The following LSAMP variants were observed in gnomAD, a reference collection of about 807,000 sequenced individuals.
LSAMP encodes limbic system associated membrane protein.
Under a neutral mutation model 38.6 loss-of-function variants are expected in LSAMP, and 7 were observed. That is an observed-to-expected ratio of 0.18 (90% CI 0.10 to 0.34). The LOEUF (loss-of-function observed/expected upper bound fraction) is 0.34. Among genes scored for constraint, LSAMP ranks in the 10% least tolerant of loss-of-function variants. LSAMP has a pLI of 1.00. For missense variants in LSAMP, 313 were observed against 420.0 expected (o/e 0.75, Z 2.23); for synonymous variants, 154 against 166.8 (o/e 0.92, Z 0.59).
intron 2 of LSAMP, among the ~76,000 whole-genome samples, chr3:116,045,584 C>T (rs1399665623): frequency 1.4e-5 from 2 of 144,720 alleles, no homozygotes; most frequent in Non-Finnish European, 3.0e-5. Flanking sequence ...CTGATTAGGT[C>T]AGAGTTTTTC....
At position 116,367,843 on chromosome 3, in the gene LSAMP, C is replaced by T. The variant is rs562265531; in HGVS notation, c.155+77034G>A. 20 of 151,458 alleles carry T rather than the reference C, an allele frequency of 1.3e-4. 1 individual carries two copies. The highest frequency in any genetic ancestry group is 1.0e-3 in the South Asian group (5 of 4,790). 9.4% of individuals were successfully genotyped at this position (151,458 alleles called of 1,614,324 possible). Reference sequence around the variant, plus strand: ...TCCTTTTTTTAAAAAAACAAACAAACGAACAAAAAAAAAACTTTACAAGAA... The same window carrying T: ...TCCTTTTTTTAAAAAAACAAACAAATGAACAAAAAAAAAACTTTACAAGAA... On this transcript the variant is annotated intron_variant, in intron 1 of 6. Transcript: ENST00000490035.
intron 1 of LSAMP, among the ~76,000 whole-genome samples, chr3:116,158,869 A>C (rs575267498): frequency 3.2e-4 from 49 of 152,290 alleles, no homozygotes; most frequent in African/African-American, 1.0e-3. Context: ...CACGAGAACC[A>C]AAAAGGAGCC....
At position 115,826,219 on chromosome 3, in the gene LSAMP, A is replaced by T. The variant is rs112563020; in HGVS notation, c.919+15626T>A. Among the ~76,000 whole-genome samples the T allele has an allele frequency of 2.6e-3, 388 of 152,132 alleles. 2 individuals carry two copies. Among genetic ancestry groups the T allele is most frequent in the African/African-American group, 9.0e-3 (374 of 41,494 alleles). On this transcript the variant is annotated intron_variant, in intron 6 of 6. Transcript: ENST00000490035. Reference sequence around the variant, plus strand: ...AAGCTCTGCCTCCTGGGTTCACATCATTCTCTTGCCTCAGCCTCCTGAGTA... The same window carrying T: ...AAGCTCTGCCTCCTGGGTTCACATCTTTCTCTTGCCTCAGCCTCCTGAGTA...
rs527789365 is a variant in LSAMP at position 116,340,635 on chromosome 3, G to A, written c.155+104242C>T. ...ACATGCATATAATAGTAGTATTTAT[G>A]TTAGAAAAAAACTACATATTTTGTT... On this transcript the variant is annotated intron_variant, in intron 1 of 6. Transcript: ENST00000490035. Among the ~76,000 whole-genome samples, 32 of 151,940 alleles carry A rather than the reference G, an allele frequency of 2.1e-4. No homozygotes were observed. In the East Asian group the frequency reaches 4.8e-3, roughly 23 times the overall value.
chr3:115,859,909 G>T (rs1046735574), intron 3 of LSAMP, among the ~76,000 whole-genome samples: 15 of 152,106 alleles, frequency 9.9e-5, no homozygotes. Flanking sequence ...CCTACTTGGT[G>T]TCAGTTTTTA....
chr3:116,206,778 A>G (rs1300343092), intron 1 of LSAMP, among the ~76,000 whole-genome samples: 2 of 151,448 alleles, frequency 1.3e-5, no homozygotes, highest in Non-Finnish European at 1.5e-5. Context: ...ATAGTTTGTT[A>G]TAATCTCTGT....
At chr3:115,817,340 C>T (rs1205526852) in intron 6 of LSAMP, among the ~76,000 whole-genome samples, 1 of 152,126 alleles carries the variant, frequency 6.6e-6, no homozygotes, top group East Asian at 1.9e-4. Flanking sequence ...ATAGTTTCGT[C>T]CTCTTCATTA....
intron 6 of LSAMP, among the ~76,000 whole-genome samples, chr3:115,830,596 C>T (rs1934576199): frequency 1.3e-5 from 2 of 152,016 alleles, no homozygotes; most frequent in Non-Finnish European, 2.9e-5. Context: ...CATGAGAAGG[C>T]CGTTATGTAT....
chr3:116,056,561 C>T (rs1431795276), intron 2 of LSAMP, among the ~76,000 whole-genome samples: 1 of 152,076 alleles, frequency 6.6e-6, no homozygotes, highest in Non-Finnish European at 1.5e-5. Context: ...GTCAGAAACA[C>T]ATTCTGGGAA....
intron 3 of LSAMP, among the ~76,000 whole-genome samples, chr3:115,897,980 G>A (rs1936771221): frequency 1.3e-5 from 2 of 152,076 alleles, no homozygotes; most frequent in African/African-American, 4.8e-5. Context: ...AGCTTTCCAC[G>A]CTGAATTCAA....
chr3:116,126,006 A>T (rs1207200331), intron 1 of LSAMP, among the ~76,000 whole-genome samples: 4 of 152,230 alleles, frequency 2.6e-5, no homozygotes, highest in Non-Finnish European at 4.4e-5. Flanking sequence ...AGCATTTTAT[A>T]TCCATTTGCA....
chr3:116,014,346 A>G (rs1367023165), intron 3 of LSAMP, among the ~76,000 whole-genome samples: 2 of 152,184 alleles, frequency 1.3e-5, no homozygotes, highest in East Asian at 3.8e-4. Flanking sequence ...AAATTGTGAG[A>G]TGGAGGTCAA....
At chr3:115,870,279 G>A (rs1004860364) in intron 3 of LSAMP, among the ~76,000 whole-genome samples, 2 of 152,048 alleles carry the variant, frequency 1.3e-5, no homozygotes, top group Admixed American at 1.3e-4. Flanking sequence ...GCTCTAACAT[G>A]CAAGTCTGAA....
chr3:115,982,297 A>G (rs897991684), intron 3 of LSAMP, among the ~76,000 whole-genome samples: 2 of 152,162 alleles, frequency 1.3e-5, no homozygotes, highest in Non-Finnish European at 2.9e-5. Flanking sequence ...TGATTGCAAG[A>G]AATGTAGATG....
At chr3:116,042,358 C>T (rs1941192423) in intron 2 of LSAMP, among the ~76,000 whole-genome samples, 3 of 151,680 alleles carry the variant, frequency 2.0e-5, no homozygotes, top group Non-Finnish European at 2.9e-5. Flanking sequence ...GGTTAGAATC[C>T]TACATCTGTT....
In LSAMP at chr3:116,001,380, C is replaced by T. The variant is rs184871326; in HGVS notation, c.514+18135G>A. On this transcript the variant is annotated intron_variant, in intron 3 of 6. Coordinates refer to ENST00000490035, the MANE Select transcript of LSAMP (RefSeq NM_002338.5). ...AGGAATTCTGTACAGGCATATATTC[C>T]GTATCTTTTATTTCCTTCCAGAAAA... 2.1e-3 allele frequency among the ~76,000 whole-genome samples: 323 copies of T among 152,256 alleles called. 1 individual carries two copies. Among genetic ancestry groups the T allele is most frequent in the African/African-American group, 7.2e-3 (299 of 41,558 alleles).
chr3:115,907,775 A>G (rs1937043535), intron 3 of LSAMP, among the ~76,000 whole-genome samples: 1 of 152,206 alleles, frequency 6.6e-6, no homozygotes, highest in African/African-American at 2.4e-5. Flanking sequence ...TAATCAAAGT[A>G]AAATCACAGA....
At chr3:115,985,954 C>T (rs1458162144) in intron 3 of LSAMP, among the ~76,000 whole-genome samples, 2 of 152,136 alleles carry the variant, frequency 1.3e-5, no homozygotes, top group African/African-American at 2.4e-5. Context: ...TTTCAAGCTG[C>T]TAACTTTTCG....
At chr3:116,415,368 T>C (rs2049036111) in intron 1 of LSAMP, among the ~76,000 whole-genome samples, 1 of 152,044 alleles carries the variant, frequency 6.6e-6, no homozygotes, top group Admixed American at 6.6e-5. Context: ...TTCACAACAT[T>C]GCTGAGGGAG....
Sources: allele counts gnomAD v4.1 joint callset (sites outside exome capture counted in the v4.1 genomes callset), GRCh38; gene constraint gnomAD v4.1.1; transcripts MANE v1.5; gene names NCBI Gene and HGNC (gene_info 2026-07-23, HGNC 2026-07-21).